CHCHD6: variants seen among roughly 807,000 people sequenced by gnomAD.
The protein encoded by CHCHD6 is MICOS complex subunit MIC25.
In CHCHD6, 28 loss-of-function variants were observed where a neutral mutation model predicts 32.3. The observed-to-expected ratio is 0.87, with a 90% CI of 0.64 to 1.19. The LOEUF is 1.19. CHCHD6 is among the 50% of genes most tolerant of loss of function. CHCHD6 has a pLI of 0.00. For missense variants in CHCHD6, 333 were observed against 307.0 expected, an observed-to-expected ratio of 1.08 and a Z score of -0.63; for synonymous variants, 122 against 117.5, an observed-to-expected ratio of 1.04 and a Z score of -0.25.
chr3:126,863,080 T>A (rs1576515751), intron 5 of CHCHD6, among the ~76,000 whole-genome samples: 1 of 42,396 alleles, frequency 2.4e-5, no homozygotes, highest in Non-Finnish European at 4.4e-5. Context: ...CATCACCTCC[T>A]CCTCCTCCTC....
chr3:126,787,748 A>G (rs1257963810), intron 4 of CHCHD6, among the ~76,000 whole-genome samples: 2 of 152,224 alleles, frequency 1.3e-5, no homozygotes, highest in African/African-American at 4.8e-5. Flanking sequence ...GGTTTTCTAA[A>G]TATACAATCA....
chr3:126,807,246 C>G (rs1054792133), intron 4 of CHCHD6, among the ~76,000 whole-genome samples: 1 of 150,470 alleles, frequency 6.6e-6, no homozygotes, highest in Non-Finnish European at 1.5e-5. Flanking sequence ...TAGTCCCAAA[C>G]AAACACACAG....
intron 5 of CHCHD6, among the ~76,000 whole-genome samples, chr3:126,880,549 A>G (rs2077594626): frequency 6.6e-6 from 1 of 152,230 alleles, no homozygotes. Context: ...GTTTTTAAAT[A>G]TAAACTCATC....
At chr3:126,775,843 C>T (rs1327630978) in intron 4 of CHCHD6, among the ~76,000 whole-genome samples, 1 of 152,146 alleles carries the variant, frequency 6.6e-6, no homozygotes, top group African/African-American at 2.4e-5. Context: ...GTAAAGGAAC[C>T]CTGCTGGGGT....
chr3:126,778,610 A>G (rs544715270), intron 4 of CHCHD6, among the ~76,000 whole-genome samples: 1 of 152,132 alleles, frequency 6.6e-6, no homozygotes, highest in East Asian at 1.9e-4. Flanking sequence ...TAATTGGATT[A>G]TTTGTCTTTT....
chr3:126,953,744 A>G (rs2078748419), intron 6 of CHCHD6, among the ~76,000 whole-genome samples: 1 of 152,202 alleles, frequency 6.6e-6, no homozygotes. Context: ...ACCCCTTCGA[A>G]GCCACATGGA....
chr3:126,833,858 A>G (rs1316728204), intron 4 of CHCHD6, among the ~76,000 whole-genome samples: 1 of 151,816 alleles, frequency 6.6e-6, no homozygotes, highest in South Asian at 2.1e-4. Flanking sequence ...GATCGAGACC[A>G]TCCCGGCTAA....
intron 6 of CHCHD6, among the ~76,000 whole-genome samples, chr3:126,954,551 G>A (rs1176383162): frequency 2.0e-5 from 3 of 152,236 alleles, no homozygotes; most frequent in African/African-American, 7.2e-5. Context: ...ACATAGATCA[G>A]TAAGCCTCAC....
intron 4 of CHCHD6, among the ~76,000 whole-genome samples, chr3:126,809,451 T>G (rs998464002): frequency 6.6e-6 from 1 of 152,140 alleles, no homozygotes; most frequent in Non-Finnish European, 1.5e-5. Context: ...AATTTTAAAT[T>G]TTACTGTGTA....
At chr3:126,886,092 A>C (rs2077675948) in intron 5 of CHCHD6, among the ~76,000 whole-genome samples, 1 of 152,228 alleles carries the variant, frequency 6.6e-6, no homozygotes, top group Non-Finnish European at 1.5e-5. Flanking sequence ...TAACAATTTC[A>C]GTAAAAGACT....
intron 4 of CHCHD6, among the ~76,000 whole-genome samples, chr3:126,763,187 GCTT>G (rs1446563295): frequency 1.3e-5 from 2 of 151,432 alleles, no homozygotes; most frequent in Non-Finnish European, 2.9e-5. Context: ...TTTCCTTTCT[GCTT>G]CTTCCTTTCC....
intron 5 of CHCHD6, among the ~76,000 whole-genome samples, chr3:126,913,697 G>A (rs2078128764): frequency 6.6e-6 from 1 of 152,224 alleles, no homozygotes; most frequent in African/African-American, 2.4e-5. Context: ...TCTCCCTGCT[G>A]CCTACATGTC....
chr3:126,718,105 A>AAAAAAAAAAAAAAAAAAAAAAAATT (rs1935106976), intron 1 of CHCHD6, among the ~76,000 whole-genome samples: 1 of 152,142 alleles, frequency 6.6e-6, no homozygotes, highest in Non-Finnish European at 1.5e-5. Flanking sequence ...CACTTTAAAA[A>AAAAAAAAAAAAAAAAAAAAAAAATT]GAATGTGCCC....
intron 4 of CHCHD6, chr3:126,766,450 T>C (rs914051294): frequency 3.0e-5 from 20 of 663,374 alleles, no homozygotes; most frequent in Non-Finnish European, 5.1e-5. Context: ...GGTTTGGCGG[T>C]TGTATTCTGG....
intron 5 of CHCHD6, among the ~76,000 whole-genome samples, chr3:126,900,532 G>A (rs1202879950): frequency 1.3e-5 from 2 of 151,772 alleles, no homozygotes; most frequent in Non-Finnish European, 1.5e-5. Context: ...GGCAGAAGGC[G>A]AATGGGGAGC....
chr3:126,942,785 T>G (rs2078579344), intron 6 of CHCHD6, among the ~76,000 whole-genome samples: 1 of 152,170 alleles, frequency 6.6e-6, no homozygotes, highest in Admixed American at 6.5e-5. Context: ...TATGGAGGTG[T>G]CATTGCTTCT....
intron 5 of CHCHD6, among the ~76,000 whole-genome samples, chr3:126,885,183 A>T (rs1306294205): frequency 6.6e-6 from 1 of 152,190 alleles, no homozygotes. Flanking sequence ...GGAGTTGACA[A>T]TGCTGGCTGG....
chr3:126,764,286 TC>T (rs1335364183), intron 4 of CHCHD6, among the ~76,000 whole-genome samples: 1 of 150,636 alleles, frequency 6.6e-6, no homozygotes, highest in East Asian at 1.9e-4. Context: ...ATCACAACCT[TC>T]TCTTTGATTC....
intron 4 of CHCHD6, among the ~76,000 whole-genome samples, chr3:126,803,104 A>G (rs1358160433): frequency 6.6e-6 from 1 of 152,250 alleles, no homozygotes; most frequent in Non-Finnish European, 1.5e-5. Flanking sequence ...AACCACTGCA[A>G]AAACATGCGA....
Sources: allele counts gnomAD v4.1 joint callset (sites outside exome capture counted in the v4.1 genomes callset), GRCh38; gene constraint gnomAD v4.1.1; transcripts MANE v1.5; gene names NCBI Gene and HGNC (gene_info 2026-07-23, HGNC 2026-07-21).